Variants in CPVL observed in about 807,000 individuals in gnomAD.
The protein encoded by CPVL is probable serine carboxypeptidase CPVL.
A neutral mutation model predicts 63.7 loss-of-function variants in CPVL; 51 were observed. The observed-to-expected ratio is 0.80, with a 90% confidence interval of 0.64 to 1.01. CPVL has a LOEUF of 1.01. CPVL is among the 50% of genes least tolerant of loss of function. CPVL has a pLI of 0.00. For missense variants in CPVL, 530 were observed against 573.1 expected (o/e 0.92, Z 0.77); for synonymous variants, 195 against 206.0 (o/e 0.95, Z 0.46).
chr7:29,182,929 C>A (rs972849451), intron 4 of CPVL, among the ~76,000 whole-genome samples: 3 of 152,120 alleles, frequency 2.0e-5, no homozygotes, highest in African/African-American at 7.2e-5. Context: ...AAGATAAACA[C>A]TCAGCTGGAT....
intron 6 of CPVL, among the ~76,000 whole-genome samples, chr7:29,092,357 T>C (rs981196795): frequency 2.0e-5 from 3 of 152,272 alleles, no homozygotes; most frequent in Admixed American, 6.5e-5. Flanking sequence ...TCTGAAAAGA[T>C]GTTGTCTCCC....
chr7:29,177,529 CA>C (rs1259412678), intron 5 of CPVL, among the ~76,000 whole-genome samples: 2 of 151,612 alleles, frequency 1.3e-5, no homozygotes, highest in African/African-American at 4.8e-5. Context: ...GCTGGGATTA[CA>C]GGCATGACCC....
chr7:29,086,926 G>C (rs1785257620), intron 6 of CPVL, among the ~76,000 whole-genome samples: 1 of 152,116 alleles, frequency 6.6e-6, no homozygotes, highest in Non-Finnish European at 1.5e-5. Flanking sequence ...TGAAGTAAGG[G>C]AAGTCTTAGT....
At chr7:29,043,139 C>G (rs528020222) in intron 11 of CPVL, among the ~76,000 whole-genome samples, 15 of 152,322 alleles carry the variant, frequency 9.8e-5, no homozygotes, top group East Asian at 9.7e-4. Context: ...CCCCACACCC[C>G]CTCCCTGGTA....
chr7:29,026,270 A>G (rs915900139), intron 12 of CPVL, among the ~76,000 whole-genome samples: 5 of 152,186 alleles, frequency 3.3e-5, no homozygotes, highest in African/African-American at 1.2e-4. Flanking sequence ...TCTTGAAACA[A>G]ATGAAAATGG....
chr7:29,107,112 T>C (rs1787794469), intron 3 of CPVL, among the ~76,000 whole-genome samples: 1 of 152,256 alleles, frequency 6.6e-6, no homozygotes, highest in African/African-American at 2.4e-5. Context: ...CCTCCCAACA[T>C]GGCATCCTTT....
chr7:29,064,098 A>C lies in CPVL; in HGVS notation c.1100T>G (p.Val367Gly). 1 of 1,613,062 alleles carries C rather than the reference A, an allele frequency of 6.2e-7. No homozygotes were observed. Among genetic ancestry groups the C allele is most frequent in the Non-Finnish European group, 8.5e-7 (1 of 1,179,170 alleles). ...KYLREDTVQS[V>G]KPWLTEIMNN... The stretch of plus-strand genomic sequence containing the variant: ...CATGATTTCAGTTAACCATGGCTTA[A>C]CTGACTGTACTGTATCTTCTCGCAA... Residue 367 changes from valine (V) to glycine (G), a missense_variant, in exon 11 of 13, where the codon GTT (valine) becomes GGT (glycine). Val to Gly is a moderately radical substitution (Grantham distance 109). Coordinates refer to ENST00000265394, the MANE Select transcript of CPVL (RefSeq NM_031311.5).
At chr7:29,152,118 C>T (rs1050142481) in intron 5 of CPVL, among the ~76,000 whole-genome samples, 1 of 152,142 alleles carries the variant, frequency 6.6e-6, no homozygotes, top group East Asian at 1.9e-4. Context: ...GACTCTATAG[C>T]CTCTGAAGGG....
Position 29,118,249 on chromosome 7 carries a change from G to A in CPVL, c.169+2644C>T, listed in dbSNP as rs77877697. On this transcript the variant is annotated intron_variant, in intron 2 of 12. Coordinates refer to ENST00000265394, the MANE Select transcript of CPVL (RefSeq NM_031311.5). ...TATTTCAGTCTCAATTTCCTCATAT[G>A]TGGATTGGTAGAATTTGGTTATAAC... Among the ~76,000 whole-genome samples the A allele has an allele frequency of 1.9e-3, 291 of 152,350 alleles. 1 individual carries two copies. Among genetic ancestry groups the A allele is most frequent in the African/African-American group, 6.6e-3 (274 of 41,576 alleles).
intron 4 of CPVL, among the ~76,000 whole-genome samples, chr7:29,182,635 GT>G (rs1212496434): frequency 2.0e-5 from 3 of 152,020 alleles, no homozygotes; most frequent in Non-Finnish European, 4.4e-5. Context: ...ACACAATTAC[GT>G]ACACTCATGT....
intron 3 of CPVL, among the ~76,000 whole-genome samples, chr7:29,111,574 G>C (rs905338072): frequency 1.3e-5 from 2 of 152,212 alleles, no homozygotes; most frequent in Non-Finnish European, 2.9e-5. Flanking sequence ...AAGACGACAG[G>C]CTGACGGCTA....
At chr7:29,098,458 G>T (rs890354137) in intron 3 of CPVL, among the ~76,000 whole-genome samples, 3 of 152,190 alleles carry the variant, frequency 2.0e-5, no homozygotes, top group African/African-American at 7.2e-5. Context: ...GCTCATTCTT[G>T]AGTGTTAACA....
At chr7:29,038,523 A>C (rs1788763454) in intron 11 of CPVL, among the ~76,000 whole-genome samples, 1 of 152,236 alleles carries the variant, frequency 6.6e-6, no homozygotes, top group Non-Finnish European at 1.5e-5. Flanking sequence ...TAAGACAGTC[A>C]GCATTTAAAT....
chr7:29,092,494 C>T (rs1785917591), intron 6 of CPVL, 129 bp downstream of exon 6: 2 of 638,976 alleles, frequency 3.1e-6, no homozygotes, highest in Admixed American at 5.6e-5. Context: ...TGAAAATATC[C>T]TTAAATTATC....
chr7:29,194,024 T>A (rs1253178762), intron 1 of CPVL: 2 of 152,310 alleles, frequency 1.3e-5, no homozygotes, highest in African/African-American at 4.8e-5. Context: ...AAGGACAATT[T>A]GGAGAGGAGT....
chr7:29,110,102 T>C (rs890681406), intron 3 of CPVL, among the ~76,000 whole-genome samples: 6 of 152,142 alleles, frequency 3.9e-5, no homozygotes, highest in Non-Finnish European at 8.8e-5. Context: ...TTTTTACAAA[T>C]CTGGATCATT....
chr7:29,061,719 G>T (rs1179833219), intron 11 of CPVL, among the ~76,000 whole-genome samples: 1 of 152,060 alleles, frequency 6.6e-6, no homozygotes, highest in Non-Finnish European at 1.5e-5. Context: ...GGCCGAGGTG[G>T]GCGGATCACC....
At chr7:29,026,869 A>G (rs1453503632) in intron 12 of CPVL, among the ~76,000 whole-genome samples, 3 of 152,168 alleles carry the variant, frequency 2.0e-5, no homozygotes, top group Non-Finnish European at 2.9e-5. Flanking sequence ...AACAAAGGAA[A>G]GTCTAGACTG....
intron 7 of CPVL, 138 bp downstream of exon 7, chr7:29,086,346 A>G: frequency 1.9e-6 from 1 of 530,024 alleles, no homozygotes; most frequent in Non-Finnish European, 3.4e-6. Context: ...GAGAATTTTG[A>G]ATAAAGGCTG....
Sources: allele counts gnomAD v4.1 joint callset (sites outside exome capture counted in the v4.1 genomes callset), GRCh38; gene constraint gnomAD v4.1.1; transcripts MANE v1.5; gene names NCBI Gene and HGNC (gene_info 2026-07-23, HGNC 2026-07-21).